FHIP1A: variants seen among roughly 807,000 people sequenced by gnomAD.
FHIP1A encodes FHF complex subunit HOOK interacting protein 1A, also known as FHF complex subunit HOOK-interacting protein 1A.
A neutral mutation model predicts 88.6 loss-of-function variants in FHIP1A; 61 were observed. The observed-to-expected ratio is 0.69, with a 90% CI of 0.56 to 0.85. The LOEUF (loss-of-function observed/expected upper bound fraction) is 0.85, where lower values mean the gene tolerates loss of function less well. Among genes scored for constraint, FHIP1A ranks in the 40% least tolerant of loss-of-function variants. FHIP1A has a pLI of 0.00. For missense variants in FHIP1A, 1,154 were observed against 1,273.5 expected (o/e 0.91, Z 1.43); for synonymous variants, 478 against 496.0 (o/e 0.96, Z 0.48).
intron 1 of FHIP1A, among the ~76,000 whole-genome samples, chr4:151,433,990 T>A (rs1221843029): frequency 6.6e-6 from 1 of 152,196 alleles, no homozygotes; most frequent in Admixed American, 6.5e-5. Flanking sequence ...AACTTTTTCA[T>A]AGTAAGTGAT....
rs1337955082 is a variant in FHIP1A at position 151,557,438 on chromosome 4, T to C, written c.-122-8700T>C. ...GCTTTTGCTTTCTCTTTTTTCCCCC[T>C]GTGCAAAAGACATTGATACACACAT... On this transcript the variant is annotated intron_variant, in intron 3 of 13. Transcript: ENST00000435205. 5.3e-5 allele frequency among the ~76,000 whole-genome samples: 8 copies of C among 152,370 alleles called. No homozygotes were observed. In the East Asian group the frequency reaches 1.5e-3, roughly 29 times the overall value.
intron 3 of FHIP1A, chr4:151,532,885 A>C (rs1210305614): frequency 6.5e-6 from 1 of 153,300 alleles, no homozygotes; most frequent in African/African-American, 2.4e-5. Flanking sequence ...ATCTTGTGAG[A>C]CTTATTCACT....
At chr4:151,444,999 A>C (rs1322971558) in intron 1 of FHIP1A, among the ~76,000 whole-genome samples, 2 of 152,158 alleles carry the variant, frequency 1.3e-5, no homozygotes, top group Non-Finnish European at 2.9e-5. Flanking sequence ...CCCACACATT[A>C]AGGGCTCAGT....
At position 151,668,123 on chromosome 4, in the gene FHIP1A, A is replaced by G. The variant is rs911850229; in HGVS notation, c.*5369A>G. Among the ~76,000 whole-genome samples, 2 of 152,246 alleles carry G rather than the reference A, an allele frequency of 1.3e-5. No homozygotes were observed. The highest frequency in any genetic ancestry group is 2.4e-5 in the African/African-American group (1 of 41,550). On this transcript the variant is annotated 3_prime_UTR_variant, in exon 14 of 14. Coordinates refer to ENST00000435205, the MANE Select transcript of FHIP1A (RefSeq NM_001109977.3). The stretch of plus-strand genomic sequence containing the variant: ...TAAGGGTTTCAATCAGATGCTTCCC[A>G]CCTCACAAGCAAGGGTCAGCTCTAT...
intron 13 of FHIP1A, among the ~76,000 whole-genome samples, chr4:151,658,227 TGA>T (rs539062003): frequency 6.6e-6 from 1 of 152,180 alleles, no homozygotes; most frequent in Non-Finnish European, 1.5e-5. Context: ...ACCCACCCTG[TGA>T]GAGAAGGTAC....
intron 7 of FHIP1A, among the ~76,000 whole-genome samples, chr4:151,601,914 G>T (rs865844060): frequency 1.3e-5 from 2 of 151,896 alleles, no homozygotes; most frequent in African/African-American, 4.8e-5. Context: ...TCACAATCAT[G>T]GTGGAAGGCA....
rs962765318 is a variant in FHIP1A, at chr4:151,548,633, C to T, written c.-122-17505C>T. 3.9e-5 allele frequency among the ~76,000 whole-genome samples: 6 copies of T among 152,236 alleles called. No homozygotes were observed. The South Asian group carries it at 1.2e-3, about 32-fold the overall frequency. ...TGAAATGGCAATGTCAGAAACTTAC[C>T]CTATATGGCCAGGCACAGTGGCTCA... On this transcript the variant is annotated intron_variant, in intron 3 of 13. Coordinates refer to ENST00000435205, the MANE Select transcript of FHIP1A (RefSeq NM_001109977.3).
chr4:151,615,260 T>TTGCCTTGATGTCTTCTTCTCAAAGTAG (rs58527014), intron 7 of FHIP1A, among the ~76,000 whole-genome samples: 1 of 151,854 alleles, frequency 6.6e-6, no homozygotes, highest in African/African-American at 2.4e-5. Flanking sequence ...GTTAGAATTC[T>TTGCCTTGATGTCTTCTTCTCAAAGTAG]TGTAAAAACC....
At chr4:151,453,140 C>T (rs1728853502) in intron 1 of FHIP1A, among the ~76,000 whole-genome samples, 2 of 151,798 alleles carry the variant, frequency 1.3e-5, no homozygotes, top group African/African-American at 2.4e-5. Flanking sequence ...TCTCAGCCTC[C>T]CGAGTAGCTG....
At chr4:151,518,554 A>G (rs1192769875) in intron 3 of FHIP1A, among the ~76,000 whole-genome samples, 2 of 152,012 alleles carry the variant, frequency 1.3e-5, no homozygotes, top group Non-Finnish European at 2.9e-5. Flanking sequence ...AAGGAATTTT[A>G]TAGTAAAGAA....
intron 7 of FHIP1A, among the ~76,000 whole-genome samples, chr4:151,605,415 C>G (rs936321188): frequency 2.0e-5 from 3 of 152,156 alleles, no homozygotes; most frequent in African/African-American, 7.2e-5. Context: ...AGGCAGCTCA[C>G]AGGCATTCGC....
chr4:151,641,585 T>C (rs991305758), intron 9 of FHIP1A, among the ~76,000 whole-genome samples: 1 of 152,220 alleles, frequency 6.6e-6, no homozygotes, highest in African/African-American at 2.4e-5. Flanking sequence ...GTATTTTATG[T>C]GTGGCCCAAG....
At chr4:151,529,472 C>T (rs1344644480) in intron 3 of FHIP1A, among the ~76,000 whole-genome samples, 1 of 152,188 alleles carries the variant, frequency 6.6e-6, no homozygotes, top group Non-Finnish European at 1.5e-5. Flanking sequence ...TCATGATTAT[C>T]TCTGACATTA....
chr4:151,562,189 A>AG (rs1733198890), intron 3 of FHIP1A, among the ~76,000 whole-genome samples: 1 of 152,180 alleles, frequency 6.6e-6, no homozygotes, highest in African/African-American at 2.4e-5. Context: ...AACAACTCTT[A>AG]GCCATTACCC....
intron 3 of FHIP1A, among the ~76,000 whole-genome samples, chr4:151,495,373 G>A (rs890470680): frequency 4.0e-5 from 6 of 151,834 alleles, no homozygotes; most frequent in South Asian, 2.1e-4. Flanking sequence ...GTGGTAGCAC[G>A]CGCCTGTAGT....
chr4:151,659,802 C>G (rs1285205531), intron 13 of FHIP1A, among the ~76,000 whole-genome samples: 2 of 152,210 alleles, frequency 1.3e-5, no homozygotes, highest in African/African-American at 4.8e-5. Context: ...AACGAGCCTC[C>G]TCACTAATGC....
At chr4:151,448,946 C>A (rs1728701224) in intron 1 of FHIP1A, among the ~76,000 whole-genome samples, 1 of 152,118 alleles carries the variant, frequency 6.6e-6, no homozygotes, top group African/African-American at 2.4e-5. Flanking sequence ...GTTCCAGTTT[C>A]TTGGTTTTTT....
intron 3 of FHIP1A, among the ~76,000 whole-genome samples, chr4:151,536,062 C>T (rs76030427): frequency 1.4e-4 from 21 of 152,070 alleles, no homozygotes; most frequent in African/African-American, 1.2e-4. Context: ...TTTATATTCC[C>T]GGTGAAAGAA....
intron 1 of FHIP1A, among the ~76,000 whole-genome samples, chr4:151,453,849 A>G (rs1399411604): frequency 6.6e-6 from 1 of 152,160 alleles, no homozygotes; most frequent in Admixed American, 6.5e-5. Flanking sequence ...AGCCAGGGCA[A>G]CAAGAGCGAA....
Sources: gnomAD v4.1 joint callset for allele counts (sites outside exome capture counted in the v4.1 genomes callset) on GRCh38, gnomAD v4.1.1 for gene constraint, MANE v1.5 for transcripts, NCBI Gene and HGNC (gene_info 2026-07-23, HGNC 2026-07-21) for gene names.